ESR1: variants seen among roughly 807,000 people sequenced by gnomAD.
The protein encoded by ESR1 is estrogen receptor 1.
A neutral mutation model predicts 52.7 loss-of-function variants in ESR1; 12 were observed. The observed-to-expected ratio is 0.23, with a 90% CI of 0.15 to 0.37. The LOEUF (loss-of-function observed/expected upper bound fraction) is 0.37. Among genes scored for constraint, ESR1 ranks in the 10% least tolerant of loss-of-function variants. The pLI is 1.00. For missense variants in ESR1, 584 were observed against 779.7 expected (o/e 0.75, Z 2.99); for synonymous variants, 305 against 316.8 (o/e 0.96, Z 0.39).
intron 2 of ESR1, among the ~76,000 whole-genome samples, chr6:151,729,055 TTATGTCCCTTCCAAATTTG>T (rs1193532564): frequency 3.3e-5 from 5 of 152,206 alleles, no homozygotes; most frequent in Admixed American, 1.3e-4. Flanking sequence ...GATGGAATGT[TTATGTCCCTTCCAAATTTG>T]TATGTTGAAA....
At chr6:151,773,857 T>C (rs1485902984) in intron 2 of ESR1, among the ~76,000 whole-genome samples, 6 of 152,182 alleles carry the variant, frequency 3.9e-5, no homozygotes, top group African/African-American at 1.4e-4. Context: ...GAAAATTGAT[T>C]CCTAGGTCAA....
At chr6:151,683,863 T>C (rs902648731) in intron 1 of ESR1, among the ~76,000 whole-genome samples, 6 of 116,702 alleles carry the variant, frequency 5.1e-5, no homozygotes, top group Non-Finnish European at 8.3e-5. Flanking sequence ...CACGTCTGGC[T>C]ATTTTTTTTT....
chr6:151,819,531 T>C (rs1256319318), intron 1 of ESR1, among the ~76,000 whole-genome samples: 2 of 152,200 alleles, frequency 1.3e-5, no homozygotes, highest in African/African-American at 4.8e-5. Context: ...CAAACCCTAC[T>C]GTGAACTGTG....
chr6:151,711,510 C>T (rs370389553), intron 2 of ESR1, among the ~76,000 whole-genome samples: 8 of 152,258 alleles, frequency 5.3e-5, no homozygotes, highest in South Asian at 4.1e-4. Flanking sequence ...CGTGAGCCAC[C>T]GCACCTGGCC....
chr6:152,061,865 C>T lies in ESR1; in HGVS notation c.1369+741C>T, dbSNP rs1009851658. 3.3e-5 allele frequency among the ~76,000 whole-genome samples: 5 copies of T among 152,176 alleles called. No individual in the cohort carries two copies. The highest frequency in any genetic ancestry group is 5.9e-5 in the Non-Finnish European group (4 of 68,036). On this transcript the variant is annotated intron_variant, in intron 6 of 7. Transcript: ENST00000206249. This position sits in a 1 kb window ranked among gnomAD's most constrained non-coding sequence, Gnocchi z 4.3. ...AGCCTGAATTAGTGCCCTGACTCCT[C>T]CTAGCCTCTTGGTATTTGGATCTAA... is the stretch of plus-strand genomic sequence containing the variant.
chr6:151,726,330 G>T (rs1258864956), intron 2 of ESR1, among the ~76,000 whole-genome samples: 1 of 151,794 alleles, frequency 6.6e-6, no homozygotes, highest in Non-Finnish European at 1.5e-5. Context: ...TATTATTAAA[G>T]ATTTTCTTTT....
At chr6:152,104,797 G>A (rs2051043017), downstream of ESR1, among the ~76,000 whole-genome samples, 1 of 152,158 alleles carries the variant, frequency 6.6e-6, no homozygotes, top group African/African-American at 2.4e-5. Context: ...GCAGCTCCTG[G>A]TGGGCTCCTG....
At chr6:151,995,278 C>T (rs189636864) in intron 4 of ESR1, among the ~76,000 whole-genome samples, 130 of 152,280 alleles carry the variant, frequency 8.5e-4, no homozygotes, top group Admixed American at 6.3e-3. Context: ...TGCCTTTCTT[C>T]CTTCTCCTAT....
intron 6 of ESR1, among the ~76,000 whole-genome samples, chr6:152,066,614 T>C (rs555722481): frequency 2.6e-5 from 4 of 152,198 alleles, no homozygotes; most frequent in Non-Finnish European, 5.9e-5. Context: ...TGGCACTTCA[T>C]AGTATTAAGT....
intron 2 of ESR1, among the ~76,000 whole-genome samples, chr6:151,846,264 T>G (rs1251484442): frequency 6.6e-6 from 1 of 152,230 alleles, no homozygotes; most frequent in Non-Finnish European, 1.5e-5. Context: ...GGCCATGGAT[T>G]TAATCCTAGA....
chr6:152,066,880 T>C (rs561121906), intron 6 of ESR1, among the ~76,000 whole-genome samples: 5 of 152,244 alleles, frequency 3.3e-5, no homozygotes, highest in East Asian at 3.9e-4. Context: ...AATAAAAAAA[T>C]AGAAATAATG....
chr6:151,991,621 A>G (rs1005509598), intron 4 of ESR1, among the ~76,000 whole-genome samples: 1 of 152,042 alleles, frequency 6.6e-6, no homozygotes, highest in African/African-American at 2.4e-5. Context: ...CGGCCCCCAC[A>G]CTGATTTGGG....
At position 152,031,558 on chromosome 6, in the gene ESR1, C is replaced by T. The variant is rs528589368; in HGVS notation, c.1235+19764C>T. On this transcript the variant is annotated intron_variant, in intron 5 of 7. Coordinates refer to ENST00000206249, the MANE Select transcript of ESR1 (RefSeq NM_000125.4). ...ATCTAGAAGAAATGGATAAATTCCT[C>T]GACACATACACCCTCCCAAGACTAA... Among the ~76,000 whole-genome samples, 118 of 152,176 alleles carry T rather than the reference C, an allele frequency of 7.8e-4. 1 individual carries two copies. Among genetic ancestry groups the T allele is most frequent in the African/African-American group, 2.7e-3 (112 of 41,556 alleles).
At chr6:151,916,768 A>G (rs2030318140) in intron 3 of ESR1, among the ~76,000 whole-genome samples, 1 of 152,188 alleles carries the variant, frequency 6.6e-6, no homozygotes, top group South Asian at 2.1e-4. Flanking sequence ...GTCATGCAAC[A>G]AGTATTTATT....
chr6:151,852,540 A>G (rs1009985037), intron 2 of ESR1, among the ~76,000 whole-genome samples: 1 of 152,134 alleles, frequency 6.6e-6, no homozygotes, highest in African/African-American at 2.4e-5. Context: ...TACAATTCAG[A>G]AAGAACATCC....
rs1778606428 is a variant in ESR1 at position 151,685,107 on chromosome 6, C to CAT, written n.74-16768_74-16767insAT. Among the ~76,000 whole-genome samples the CAT allele has an allele frequency of 5.5e-5, 4 of 72,914 alleles. No individual in the cohort carries two copies. The South Asian group carries it at 1.6e-3, about 28-fold the overall frequency. The allele number at this position is 72,914 out of a possible 152,430, so 47.8% of individuals were successfully genotyped here. A position where few individuals can be genotyped will look rare whatever the true frequency, so the allele number is the denominator to read the frequency against. The stretch of plus-strand genomic sequence containing the variant: ...TATCATTTTTGTCTGACACTGGCCT[C>CAT]TTTTTTTTTTTTTTTTTTTTTTTTT... On this transcript the variant is annotated intron_variant and non_coding_transcript_variant, in intron 1 of 2. Transcript: ENST00000473497.
intron 6 of ESR1, among the ~76,000 whole-genome samples, chr6:152,079,021 A>G (rs555130808): frequency 3.3e-5 from 5 of 152,250 alleles, no homozygotes; most frequent in Admixed American, 6.5e-5. Flanking sequence ...AGCAAGGCCT[A>G]CTGCCTCTCT....
chr6:151,956,151 T>C (rs1287945976), intron 4 of ESR1, among the ~76,000 whole-genome samples: 1 of 152,224 alleles, frequency 6.6e-6, no homozygotes, highest in East Asian at 1.9e-4. Context: ...GTTGATTCCA[T>C]GTCTTTACTA....
rs1412236009 is a variant in ESR1 at position 152,094,983 on chromosome 6, C to CA, written c.1553+416dup. Among the ~76,000 whole-genome samples the CA allele has an allele frequency of 1.3e-5, 2 of 152,120 alleles. No individual in the cohort carries two copies. Among genetic ancestry groups the CA allele is most frequent in the East Asian group, 1.9e-4 (1 of 5,154 alleles). On this transcript the variant is annotated intron_variant, in intron 7 of 7. Coordinates refer to ENST00000206249, the MANE Select transcript of ESR1 (RefSeq NM_000125.4). The surrounding 1 kb of genome is among the most constrained non-coding windows in gnomAD (Gnocchi z 4.6). ...TGAGAGACCCTGGGGCCAGATGCCT[C>CA]ACGGAGAGTCAATGTTGACTCCTTC...
Sources: gnomAD v4.1 joint callset for allele counts (sites outside exome capture counted in the v4.1 genomes callset) on GRCh38, gnomAD v4.1.1 for gene constraint, Gnocchi (gnomAD v3.1) non-coding constraint, MANE v1.5 for transcripts, NCBI Gene and HGNC (gene_info 2026-07-23, HGNC 2026-07-21) for gene names.